The following SRCAP variants were observed in gnomAD, a reference collection of about 807,000 sequenced individuals.
SRCAP encodes Snf2 related CREBBP activator protein.
Under a neutral mutation model 263.1 loss-of-function variants are expected in SRCAP, and 46 were observed. That is an observed-to-expected ratio of 0.17 (90% CI 0.14 to 0.22). The LOEUF (loss-of-function observed/expected upper bound fraction) is 0.22, where lower values mean the gene tolerates loss of function less well. Ranked by LOEUF, SRCAP falls within the 10% of genes least tolerant of loss-of-function variation. The pLI, the probability that SRCAP is intolerant of heterozygous loss-of-function variation, is 1.00. For missense variants in SRCAP, 3,695 were observed against 4,181.9 expected, an observed-to-expected ratio of 0.88 and a Z score of 3.21; for synonymous variants, 1,813 against 1,662.1, an observed-to-expected ratio of 1.09 and a Z score of -2.21.
rs1036200688 is a variant in SRCAP, at chr16:30,711,658, A to T, written c.1406A>T (p.Glu469Val). The T allele has an allele frequency of 1.9e-6, 3 of 1,614,042 alleles. No homozygotes were observed. In the African/African-American group the frequency reaches 4.0e-5, roughly 22 times the overall value. ...SGSSEDEDED[E>V]VDANSSDCEP... ...AGCAGTGAAGATGAGGATGAAGATG[A>T]GGTTGATGCTAATAGCTCTGACTGT... is the stretch of plus-strand genomic sequence containing the variant. Residue 469 changes from glutamate to valine, a missense_variant, in exon 11 of 34, where the codon GAG becomes GTG. Physicochemically the swap from Glu to Val is moderately radical, Grantham distance 121. Coordinates refer to ENST00000262518, the MANE Select transcript of SRCAP (RefSeq NM_006662.3).
Position 30,713,363 on chromosome 16 carries a change from C to T in SRCAP, c.2286C>T (p.Leu762=), listed in dbSNP as rs762013781. 1.9e-6 allele frequency: 3 copies of T among 1,614,126 alleles called. 1 individual carries two copies. Among genetic ancestry groups the T allele is most frequent in the Non-Finnish European group, 8.5e-7 (1 of 1,180,028 alleles). Residue 762 remains leucine (L), a synonymous_variant, in exon 15 of 34, where the codon CTC becomes CTT. Coordinates refer to ENST00000262518, the MANE Select transcript of SRCAP (RefSeq NM_006662.3). ...TCAAGTCACAGCGCTGGCAGTCACT[C>T]CTCAACTTCAACAGGTGGAGATGGA... is the stretch of plus-strand genomic sequence containing the variant. ...KNFKSQRWQS[L]LNFNSQRRLL...
At position 30,723,789 on chromosome 16, in the gene SRCAP, C is replaced by T. The variant is rs1437037101; in HGVS notation, c.4365C>T (p.Leu1455=). The change falls in exon 25 of 34, where the codon CTC becomes CTT. Residue 1455 remains leucine (L), a synonymous_variant. Coordinates refer to ENST00000262518, the MANE Select transcript of SRCAP (RefSeq NM_006662.3). ...TTCCTGCCCCAGCCTCGGCTCCACT[C>T]ACCATCCCCATCTCAGCCCCCTTGA... ...TTLPAPASAP[L]TIPISAPLTV... The T allele has an allele frequency of 1.2e-6, 2 of 1,614,092 alleles. No individual in the cohort carries two copies. Among genetic ancestry groups the T allele is most frequent in the Non-Finnish European group, 8.5e-7 (1 of 1,180,016 alleles).
chr16:30,724,792 T>A lies in SRCAP; in HGVS notation c.5368T>A (p.Leu1790Met). ...LAPASVQTLT[L>M]SPAPVPTLGP... ...CCCAGCTTCAGTGCAGACACTGACC[T>A]TGAGCCCTGCCCCAGTTCCTACCCT... The change falls in exon 25 of 34, where the codon TTG (leucine) becomes ATG (methionine). Residue 1790 changes from leucine (L) to methionine (M), a missense_variant. Physicochemically the swap from Leu to Met is conservative, Grantham distance 15 (BLOSUM62 2). Transcript: ENST00000262518. 1 of 1,613,596 alleles carries A rather than the reference T, an allele frequency of 6.2e-7. No individual in the cohort carries two copies.
rs1307846178 is a variant in SRCAP, at chr16:30,710,748, A to G, written c.1135-6A>G. 6 of 1,614,060 alleles carry G rather than the reference A, an allele frequency of 3.7e-6. No individual in the cohort carries two copies. Among genetic ancestry groups the G allele is most frequent in the Admixed American group, 1.7e-5 (1 of 60,010 alleles). On this transcript the variant is annotated splice_polypyrimidine_tract_variant and splice_region_variant and intron_variant, in intron 8 of 33. Transcript: ENST00000262518. Reference sequence around the variant, plus strand: ...ACCCTTCCCTTTTTTATCTTTTGCCATACAGATAAAGCCCCCACCCTCTGC... The same window carrying G: ...ACCCTTCCCTTTTTTATCTTTTGCCGTACAGATAAAGCCCCCACCCTCTGC...
chr16:30,739,068 C>T lies in SRCAP; in HGVS notation c.9028C>T (p.Pro3010Ser). The change falls in exon 34 of 34, where the codon CCT becomes TCT. Residue 3010 changes from proline to serine, a missense_variant. Physicochemically the swap from Pro to Ser is moderately conservative, Grantham distance 74. Transcript: ENST00000262518. ...CCCACCCAAACGGAAGAGGGGCCGA[C>T]CTCCCAAGAATCCTCCATCACCTCG... ...TSPPKRKRGR[P>S]PKNPPSPRPS... The T allele has an allele frequency of 1.2e-6, 2 of 1,614,238 alleles. No individual in the cohort carries two copies. The highest frequency in any genetic ancestry group is 1.7e-6 in the Non-Finnish European group (2 of 1,180,042).
Position 30,723,995 on chromosome 16 carries a change from C to T in SRCAP, c.4571C>T (p.Pro1524Leu). The T allele has an allele frequency of 1.2e-6, 2 of 1,614,106 alleles. No homozygotes were observed. Among genetic ancestry groups the T allele is most frequent in the East Asian group, 2.2e-5 (1 of 44,882 alleles). Residue 1524 changes from proline (P) to leucine (L), a missense_variant, in exon 25 of 34, where the codon CCT becomes CTT. Physicochemically the swap from Pro to Leu is moderately conservative, Grantham distance 98. Coordinates refer to ENST00000262518, the MANE Select transcript of SRCAP (RefSeq NM_006662.3). The stretch of plus-strand genomic sequence containing the variant: ...TCTTCATCTCAGACACCTGGTCACC[C>T]TCTGTTGTTGGCTCCCACCTCTTCA... ...SLSSSQTPGH[P>L]LLLAPTSSHV...
Position 30,722,748 on chromosome 16 carries a change from G to A in SRCAP, c.3892G>A (p.Val1298Met). 6.2e-7 allele frequency: 1 copy of A among 1,608,016 alleles called. No homozygotes were observed. Among genetic ancestry groups the A allele is most frequent in the Non-Finnish European group, 8.5e-7 (1 of 1,175,700 alleles). The change falls in exon 23 of 34, where the codon GTG becomes ATG. Residue 1298 changes from valine (V) to methionine (M), a missense_variant and splice_region_variant. Val to Met is a conservative substitution (Grantham distance 21). This residue lies in a region of SRCAP where 1,347 missense variants were observed against 1,304.4 expected (regional missense o/e 1.03). Transcript: ENST00000262518. ...GLSLPLAANQ[V>M]PPTMVNNTGV... ...CAGCCTTCCGCTTGCTGCTAACCAG[G>A]GTGAGGCTCCTGGCCTTCCTACTTA...
chr16:30,713,747 T>A, intron 16 of SRCAP, 36 bp downstream of exon 16: 1 of 1,602,996 alleles, frequency 6.2e-7, no homozygotes, highest in Non-Finnish European at 8.5e-7. Flanking sequence ...GTATTGGGAA[T>A]GGTAAGGAAC....
Position 30,711,760 on chromosome 16 carries a change from T to A in SRCAP, c.1492+16T>A. ...AGTCAGTCAGGTGAATATGTGGTCA[T>A]GAAGCAGGAGCTGGGGAGGGTGGCC... On this transcript the variant is annotated intron_variant, in intron 11 of 33. Coordinates refer to ENST00000262518, the MANE Select transcript of SRCAP (RefSeq NM_006662.3). 3.7e-6 allele frequency: 6 copies of A among 1,610,984 alleles called. No individual in the cohort carries two copies. The highest frequency in any genetic ancestry group is 4.2e-6 in the Non-Finnish European group (5 of 1,177,766).
chr16:30,710,770 C>G lies in SRCAP; in HGVS notation c.1151C>G (p.Ser384Cys). Residue 384 changes from serine to cysteine, a missense_variant, in exon 9 of 34, where the codon TCT becomes TGT. Ser to Cys is a moderately radical substitution (Grantham distance 112). Transcript: ENST00000262518. Reference protein sequence around the residue: ...PQVLEIKPPPSAVTQRNKQPW... With the variant: ...PQVLEIKPPPCAVTQRNKQPW... ...GCCATACAGATAAAGCCCCCACCCT[C>G]TGCTGTCACACAGCGCAACAAACAG... 6.2e-7 allele frequency: 1 copy of G among 1,614,242 alleles called. No individual in the cohort carries two copies. The highest frequency in any genetic ancestry group is 1.3e-5 in the African/African-American group (1 of 75,056).
rs896096717 is a variant in SRCAP at position 30,707,577 on chromosome 16, G to A, written c.498G>A (p.Val166=). The change falls in exon 6 of 34, where the codon GTG becomes GTA. Residue 166 remains valine (V), a synonymous_variant. Transcript: ENST00000262518. ...CTGGGTCTTCATTCCCACAGGTGGT[G>A]CGCATGGTGATCCGGCACCACGAGG... is the stretch of plus-strand genomic sequence containing the variant. ...RWKRGVARKV[V]RMVIRHHEEQ... The A allele has an allele frequency of 2.0e-5, 33 of 1,612,982 alleles. No homozygotes were observed. In the African/African-American group the frequency reaches 4.3e-4, roughly 21 times the overall value.
chr16:30,708,573 T>C (rs2052852688), intron 6 of SRCAP, among the ~76,000 whole-genome samples: 1 of 151,968 alleles, frequency 6.6e-6, no homozygotes, highest in African/African-American at 2.4e-5. Flanking sequence ...TTTGTATTTT[T>C]AGTAGAGACA....
chr16:30,711,729 A>G lies in SRCAP; in HGVS notation c.1477A>G (p.Ser493Gly), dbSNP rs1267101090. The change falls in exon 11 of 34, where the codon AGT becomes GGT. Residue 493 changes from serine to glycine, a missense_variant. Around this residue, in one of 12 missense-constraint regions of SRCAP, gnomAD observed 288 missense variants for 302.4 expected, o/e 0.95. Transcript: ENST00000262518. ...VEAEEPPQEDSSSQSDSVEDR... is the reference protein window; with the variant it reads ...VEAEEPPQEDGSSQSDSVEDR... ...AGCGGAAGAGCCTCCTCAGGAGGAT[A>G]GTAGCAGTCAGTCAGGTGAATATGT... 7.4e-6 allele frequency: 12 copies of G among 1,612,792 alleles called. No homozygotes were observed. Among genetic ancestry groups the G allele is most frequent in the Non-Finnish European group, 9.3e-6 (11 of 1,179,432 alleles).
chr16:30,710,102 G>A lies in SRCAP; in HGVS notation c.1108G>A (p.Glu370Lys), dbSNP rs1358085035. Residue 370 changes from glutamate (E) to lysine (K), a missense_variant, in exon 8 of 34, where the codon GAA (glutamate) becomes AAA (lysine). Physicochemically the swap from Glu to Lys is moderately conservative, Grantham distance 56. This residue lies in a region of SRCAP where 288 missense variants were observed against 302.4 expected (regional missense o/e 0.95). Transcript: ENST00000262518. ...CCGAGATGGGCCTGAAGAAGGTGCTGAAGAAGAGCCCCCTCAGGTGTTGGA... is the reference window on the plus strand; with the variant it reads ...CCGAGATGGGCCTGAAGAAGGTGCTAAAGAAGAGCCCCCTCAGGTGTTGGA... ...DTRDGPEEGA[E>K]EEPPQVLEIK... is the part of the protein sequence containing the mutation. 1.9e-6 allele frequency: 3 copies of A among 1,613,958 alleles called. No individual in the cohort carries two copies. The highest frequency in any genetic ancestry group is 2.5e-6 in the Non-Finnish European group (3 of 1,179,980).
At position 30,716,390 on chromosome 16, in the gene SRCAP, C is replaced by T; in HGVS notation, c.2728C>T (p.Arg910Ter). Residue 910 changes from arginine (R) to a stop codon, truncating the protein, a stop_gained, in exon 18 of 34, where the codon CGA becomes TGA. Transcript: ENST00000262518. LOFTEE classifies it high-confidence loss of function. ...CAATCATCCAAATCTGTTCGACCCT[C>T]GACCGGTTACCTCCCCTTTCATCAC... ...VCNHPNLFDPRPVTSPFITPG... is the reference protein window; with the variant it reads ...VCNHPNLFDP 1.2e-6 allele frequency: 2 copies of T among 1,614,212 alleles called. No homozygotes were observed. Among genetic ancestry groups the T allele is most frequent in the Non-Finnish European group, 1.7e-6 (2 of 1,180,040 alleles).
At chr16:30,719,878 A>T (rs905657904) in intron 18 of SRCAP, among the ~76,000 whole-genome samples, 2 of 151,982 alleles carry the variant, frequency 1.3e-5, no homozygotes, top group African/African-American at 4.8e-5. Flanking sequence ...CATGATGCTG[A>T]GGTTTGGCGT....
Position 30,738,463 on chromosome 16 carries a change from C to G in SRCAP, c.8423C>G (p.Pro2808Arg). ...GPESSPPIGG[P>R]CEAAPSSSLP... ...GAATCCTCCCCTCCCATTGGTGGGC[C>G]CTGTGAAGCTGCTCCTTCATCCTCA... The change falls in exon 34 of 34, where the codon CCC becomes CGC. Residue 2808 changes from proline to arginine, a missense_variant. Pro to Arg is a moderately radical substitution (Grantham distance 103). Transcript: ENST00000262518. 6.3e-7 allele frequency: 1 copy of G among 1,576,090 alleles called. No individual in the cohort carries two copies.
Position 30,699,968 on chromosome 16 carries a change from C to G in SRCAP, c.-223C>G, listed in dbSNP as rs1020410427. On this transcript the variant is annotated 5_prime_UTR_variant, in exon 2 of 34. Transcript: ENST00000262518. ...TGCAGACTTTCACAGGGGGTGTGGT[C>G]TCAGCTCACACAGGTGAGGGATCTG... The G allele has an allele frequency of 6.6e-6, 1 of 152,208 alleles. No individual in the cohort carries two copies. The highest frequency in any genetic ancestry group is 1.5e-5 in the Non-Finnish European group (1 of 68,042). The allele number at this position is 152,208 out of a possible 1,614,324, so 9.4% of individuals were successfully genotyped here.
rs762148278 is a variant in SRCAP at position 30,729,500 on chromosome 16, C to T, written c.6055C>T (p.Arg2019Cys). The change falls in exon 27 of 34, where the codon CGT becomes TGT. Residue 2019 changes from arginine to cysteine, a missense_variant. This residue lies in a region of SRCAP where 1,347 missense variants were observed against 1,304.4 expected (regional missense o/e 1.03). Coordinates refer to ENST00000262518, the MANE Select transcript of SRCAP (RefSeq NM_006662.3). ...QLASELWPRA[R>C]PLHRIVCNMR... ...GGCCTCTGAGCTCTGGCCCCGGGCTCGTCCTTTGCACCGTATTGTGTGTAA... is the reference window on the plus strand; with the variant it reads ...GGCCTCTGAGCTCTGGCCCCGGGCTTGTCCTTTGCACCGTATTGTGTGTAA... 1.1e-5 allele frequency: 17 copies of T among 1,614,180 alleles called. No homozygotes were observed. Among genetic ancestry groups the T allele is most frequent in the Non-Finnish European group, 1.2e-5 (14 of 1,180,032 alleles).
Sources: allele counts gnomAD v4.1 joint callset (sites outside exome capture counted in the v4.1 genomes callset), GRCh38; gene constraint gnomAD v4.1.1; regional missense constraint gnomAD v4.1.1; transcripts MANE v1.5; gene names NCBI Gene and HGNC (gene_info 2026-07-23, HGNC 2026-07-21).